LCLAT1: variants seen among roughly 807,000 people sequenced by gnomAD.
LCLAT1 encodes the protein lysocardiolipin acyltransferase 1.
LCLAT1 carries 11 observed loss-of-function variants against 30.7 expected under a neutral mutation model. The ratio of observed to expected loss-of-function variants is 0.36; its 90% CI spans 0.23 to 0.59. The LOEUF (loss-of-function observed/expected upper bound fraction) is 0.59. LCLAT1 is among the 20% of genes least tolerant of loss of function. The probability of loss-of-function intolerance (pLI) is 0.77; values close to 1 mark genes in which losing one functional copy is unlikely to be tolerated. For missense variants in LCLAT1, 402 were observed against 458.6 expected (o/e 0.88, Z 1.13); for synonymous variants, 155 against 151.3 (o/e 1.02, Z -0.18).
chr2:30,541,255 T>C (rs1664123124), intron 3 of LCLAT1, among the ~76,000 whole-genome samples: 1 of 152,148 alleles, frequency 6.6e-6, no homozygotes. Context: ...CTTACTCTGG[T>C]CTAAGCTAGG....
chr2:30,486,021 C>G (rs551476371), intron 1 of LCLAT1, among the ~76,000 whole-genome samples: 1 of 152,308 alleles, frequency 6.6e-6, no homozygotes, highest in South Asian at 2.1e-4. Flanking sequence ...TCCCTGATAA[C>G]TCTTGTTTTG....
chr2:30,585,376 C>G (rs900897318), intron 5 of LCLAT1, among the ~76,000 whole-genome samples: 1 of 152,166 alleles, frequency 6.6e-6, no homozygotes, highest in African/African-American at 2.4e-5. Flanking sequence ...CATCCTCTGC[C>G]TCAGCCTTCA....
chr2:30,540,408 T>C (rs1268840090), intron 3 of LCLAT1, among the ~76,000 whole-genome samples: 3 of 152,228 alleles, frequency 2.0e-5, no homozygotes, highest in African/African-American at 7.2e-5. Context: ...ACTAATAATG[T>C]TGCAGTGATT....
At chr2:30,503,474 G>T (rs191120439) in intron 1 of LCLAT1, among the ~76,000 whole-genome samples, 246 of 152,252 alleles carry the variant, frequency 1.6e-3, no homozygotes, top group African/African-American at 5.6e-3. Context: ...AATTTGAAAA[G>T]TAGTCCCTTA....
chr2:30,468,164 C>G (rs1023533129), intron 1 of LCLAT1, among the ~76,000 whole-genome samples: 7 of 152,154 alleles, frequency 4.6e-5, no homozygotes, highest in Admixed American at 2.6e-4. Flanking sequence ...ATATGGCTAG[C>G]CAGTTTTGCC....
intron 5 of LCLAT1, among the ~76,000 whole-genome samples, chr2:30,609,060 G>A (rs184915554): frequency 6.6e-6 from 1 of 151,392 alleles, no homozygotes; most frequent in East Asian, 1.9e-4. Context: ...TCACATGCCT[G>A]ATATTTTCTG....
intron 1 of LCLAT1, among the ~76,000 whole-genome samples, chr2:30,498,594 C>T (rs1439274774): frequency 6.6e-6 from 1 of 152,134 alleles, no homozygotes; most frequent in Non-Finnish European, 1.5e-5. Context: ...GGACTCACCC[C>T]AATTGCCTGC....
At chr2:30,568,421 A>C (rs968290777) in intron 5 of LCLAT1, among the ~76,000 whole-genome samples, 2 of 114,726 alleles carry the variant, frequency 1.7e-5, no homozygotes, top group Non-Finnish European at 3.9e-5. Context: ...TCTATATTAC[A>C]TATATATATA....
intron 5 of LCLAT1, among the ~76,000 whole-genome samples, chr2:30,628,383 G>C (rs764187883): frequency 6.6e-6 from 1 of 152,158 alleles, no homozygotes; most frequent in Non-Finnish European, 1.5e-5. Flanking sequence ...GCAATTGCAG[G>C]ACAGGTTTTT....
chr2:30,575,390 T>C (rs1342829559), intron 5 of LCLAT1, among the ~76,000 whole-genome samples: 3 of 152,150 alleles, frequency 2.0e-5, no homozygotes, highest in African/African-American at 4.8e-5. Flanking sequence ...ATTTATAGTT[T>C]GGTACAAATT....
intron 1 of LCLAT1, among the ~76,000 whole-genome samples, chr2:30,453,386 G>T (rs1344971396): frequency 1.3e-5 from 2 of 152,146 alleles, no homozygotes; most frequent in African/African-American, 4.8e-5. Flanking sequence ...GAATGTTTAG[G>T]TATCTTGGGA....
At chr2:30,491,335 C>G (rs901575240) in intron 1 of LCLAT1, among the ~76,000 whole-genome samples, 2 of 152,226 alleles carry the variant, frequency 1.3e-5, no homozygotes, top group Non-Finnish European at 2.9e-5. Flanking sequence ...AGCCACTCTT[C>G]TAAGCACTTT....
intron 1 of LCLAT1, among the ~76,000 whole-genome samples, chr2:30,521,028 G>A (rs1481311253): frequency 1.3e-5 from 2 of 152,040 alleles, no homozygotes; most frequent in African/African-American, 4.8e-5. Flanking sequence ...CAAAATTCGG[G>A]TCATAAAGAC....
At chr2:30,529,753 T>C (rs946552933) in intron 2 of LCLAT1, among the ~76,000 whole-genome samples, 6 of 152,186 alleles carry the variant, frequency 3.9e-5, no homozygotes, top group Admixed American at 1.3e-4. Flanking sequence ...TTGCTGAATG[T>C]GATTTTTGTC....
intron 1 of LCLAT1, among the ~76,000 whole-genome samples, chr2:30,475,350 A>T (rs1162795887): frequency 6.6e-6 from 1 of 152,168 alleles, no homozygotes; most frequent in Non-Finnish European, 1.5e-5. Flanking sequence ...TTTTTTGGAT[A>T]GCTGGTGGTG....
intron 5 of LCLAT1, among the ~76,000 whole-genome samples, chr2:30,615,590 G>A (rs936648752): frequency 2.6e-5 from 4 of 152,080 alleles, no homozygotes; most frequent in African/African-American, 7.2e-5. Context: ...ATTCCCTGCC[G>A]AAAAACTTAA....
chr2:30,492,582 GAAA>G (rs201358090), intron 1 of LCLAT1, among the ~76,000 whole-genome samples: 3 of 125,824 alleles, frequency 2.4e-5, no homozygotes, highest in Admixed American at 8.1e-5. Flanking sequence ...GAAAAAAAAA[GAAA>G]AAAAAAAAAA....
In LCLAT1 at chr2:30,517,553, C is replaced by G. The variant is rs557817039; in HGVS notation, c.-4-8034C>G. On this transcript the variant is annotated intron_variant, in intron 1 of 5. Coordinates refer to ENST00000379509, the MANE Select transcript of LCLAT1 (RefSeq NM_001002257.3). ...AACTGGTAACCCAGTACTTTAACAA[C>G]TGGAACTGGGTCTACAACAACATAA... Among the ~76,000 whole-genome samples, 17 of 152,356 alleles carry G rather than the reference C, an allele frequency of 1.1e-4. No homozygotes were observed. In the South Asian group the frequency reaches 3.5e-3, roughly 32 times the overall value.
intron 5 of LCLAT1, among the ~76,000 whole-genome samples, chr2:30,597,623 G>C (rs998031822): frequency 1.3e-5 from 2 of 152,070 alleles, no homozygotes; most frequent in Admixed American, 1.3e-4. Flanking sequence ...TTCCTATGTA[G>C]ATACCCTTTG....
Sources: gnomAD v4.1 joint callset for allele counts (sites outside exome capture counted in the v4.1 genomes callset) on GRCh38, gnomAD v4.1.1 for gene constraint, MANE v1.5 for transcripts, NCBI Gene and HGNC (gene_info 2026-07-23, HGNC 2026-07-21) for gene names.